The following MPHOSPH10 variants were observed in gnomAD, a reference collection of about 807,000 sequenced individuals.
MPHOSPH10 encodes U3 small nucleolar ribonucleoprotein MPP10.
In MPHOSPH10, 33 loss-of-function variants were observed where a neutral mutation model predicts 77.3. That is an observed-to-expected ratio of 0.43 (90% CI 0.32 to 0.57). The LOEUF is 0.57. Among genes scored for constraint, MPHOSPH10 ranks in the 20% least tolerant of loss-of-function variants. The pLI is 0.07. For synonymous variants in MPHOSPH10, 245 were observed against 268.0 expected (o/e 0.91, Z 0.84); for missense variants, 708 against 780.1 (o/e 0.91, Z 1.10).
intron 2 of MPHOSPH10, 116 bp downstream of exon 2, chr2:71,133,692 A>T: frequency 2.6e-6 from 3 of 1,152,080 alleles, no homozygotes; most frequent in Non-Finnish European, 3.6e-6. Flanking sequence ...ATTGTGCTCT[A>T]TCTTATCAGT....
intron 10 of MPHOSPH10, 131 bp from the exon 11 acceptor site, chr2:71,149,735 G>C: frequency 1.2e-6 from 1 of 839,658 alleles, no homozygotes; most frequent in Non-Finnish European, 1.9e-6. Context: ...AACTGATTCA[G>C]TTTTCTGTAA....
At position 71,149,464 on chromosome 2, in the gene MPHOSPH10, G is replaced by C. The variant is rs763042809; in HGVS notation, c.1896+11G>C. The C allele has an allele frequency of 1.2e-6, 2 of 1,606,322 alleles. No homozygotes were observed. Among genetic ancestry groups the C allele is most frequent in the Admixed American group, 3.4e-5 (2 of 58,646 alleles). ...GCTTCCTTCATAAAGGTAAGGACAAGGGAAAGAAAACTGCTCAAGGGGACC... is the reference window on the plus strand; with the variant it reads ...GCTTCCTTCATAAAGGTAAGGACAACGGAAAGAAAACTGCTCAAGGGGACC... On this transcript the variant is annotated intron_variant, in intron 10 of 10. Transcript: ENST00000244230.
intron 5 of MPHOSPH10, among the ~76,000 whole-genome samples, 159 bp from the exon 6 acceptor site, chr2:71,139,636 C>T (rs1673570780): frequency 6.6e-6 from 1 of 152,194 alleles, no homozygotes; most frequent in African/African-American, 2.4e-5. Context: ...ATAGCTGTCC[C>T]TCTTCCCCAC....
intron 8 of MPHOSPH10, 95 bp downstream of exon 8, chr2:71,144,633 A>G: frequency 1.1e-6 from 1 of 948,144 alleles, no homozygotes; most frequent in Non-Finnish European, 1.6e-6. Flanking sequence ...GTTTCAGGAT[A>G]CAAACTTGTA....
In MPHOSPH10 at chr2:71,149,239, G is replaced by A; in HGVS notation, c.1682G>A (p.Gly561Glu). The stretch of plus-strand genomic sequence containing the variant: ...TTTTAATAGGAGAAAAATAAAGCTG[G>A]AGATATAAAAACAGCTGCTGAAAAA... ...PEEIKEKNKAGDIKTAAEKTA... is the reference protein window; with the variant it reads ...PEEIKEKNKAEDIKTAAEKTA... Residue 561 changes from glycine to glutamate, a missense_variant, in exon 10 of 11, where the codon GGA becomes GAA. Around this residue, in one of 3 missense-constraint regions of MPHOSPH10, gnomAD observed 263 missense variants for 320.0 expected, o/e 0.82. Transcript: ENST00000244230. The A allele has an allele frequency of 6.4e-7, 1 of 1,567,996 alleles. No homozygotes were observed. Among genetic ancestry groups the A allele is most frequent in the Non-Finnish European group, 8.6e-7 (1 of 1,158,434 alleles).
At chr2:71,133,632 T>C in intron 2 of MPHOSPH10, 56 bp downstream of exon 2, 1 of 1,467,518 alleles carries the variant, frequency 6.8e-7, no homozygotes, top group South Asian at 1.4e-5. Context: ...TTTTCTTCTG[T>C]TTTTCTAGGA....
rs527303026 is a variant in MPHOSPH10 at position 71,132,941 on chromosome 2, G to C, written c.133G>C (p.Val45Leu). The change falls in exon 2 of 11, where the codon GTG becomes CTG. Residue 45 changes from valine (V) to leucine (L), a missense_variant. Val to Leu is a conservative substitution (Grantham distance 32, BLOSUM62 1). Transcript: ENST00000244230. ...LASKFTSLTK[V>L]LYDFNKILEN... The stretch of plus-strand genomic sequence containing the variant: ...ATCAAAGTTCACTTCTTTAACAAAA[G>C]TGCTTTATGACTTTAATAAAATATT... 22 of 1,612,480 alleles carry C rather than the reference G, an allele frequency of 1.4e-5. No homozygotes were observed. In the Admixed American group the frequency reaches 2.7e-4, roughly 20 times the overall value.
At chr2:71,141,502 G>A in intron 7 of MPHOSPH10, 133 bp downstream of exon 7, 1 of 700,874 alleles carries the variant, frequency 1.4e-6, no homozygotes, top group Non-Finnish European at 2.1e-6. Flanking sequence ...ATGAGACAGA[G>A]CATGCTAGGA....
intron 7 of MPHOSPH10, among the ~76,000 whole-genome samples, chr2:71,141,872 A>G (rs1673620585): frequency 6.6e-6 from 1 of 152,062 alleles, no homozygotes; most frequent in Non-Finnish European, 1.5e-5. Flanking sequence ...TCTACTAAAA[A>G]TACGAAAAAA....
In MPHOSPH10 at chr2:71,149,370, G is replaced by A. The variant is rs777079085; in HGVS notation, c.1813G>A (p.Asp605Asn). Residue 605 changes from aspartate (D) to asparagine (N), a missense_variant, in exon 10 of 11, where the codon GAT becomes AAT. By Grantham distance (23) the Asp-to-Asn change is conservative. This residue lies in a region of MPHOSPH10 where 263 missense variants were observed against 320.0 expected (regional missense o/e 0.82). Coordinates refer to ENST00000244230, the MANE Select transcript of MPHOSPH10 (RefSeq NM_005791.3). ...RRKLLEKSSV[D>N]QAGKYSKTVA... ...AAAACTGCTTGAAAAGAGCAGTGTA[G>A]ATCAAGCAGGGAAATACAGCAAAAC... 2.5e-6 allele frequency: 4 copies of A among 1,614,164 alleles called. No individual in the cohort carries two copies. In the South Asian group the frequency reaches 3.3e-5, roughly 13 times the overall value.
At chr2:71,146,334 CTTTT>C (rs778705527) in intron 8 of MPHOSPH10, among the ~76,000 whole-genome samples, 2 of 107,312 alleles carry the variant, frequency 1.9e-5, no homozygotes, top group Admixed American at 1.2e-4. Context: ...TTTTTTGTGG[CTTTT>C]TTTTTTTTTT....
At chr2:71,141,685 C>T (rs1558755494) in intron 7 of MPHOSPH10, among the ~76,000 whole-genome samples, 1 of 152,162 alleles carries the variant, frequency 6.6e-6, no homozygotes, top group Non-Finnish European at 1.5e-5. Flanking sequence ...ATATATTTTA[C>T]ATGATTATGA....
rs1408004365 is a variant in MPHOSPH10 at position 71,130,679 on chromosome 2, T to C, written c.14T>C (p.Val5Ala). ...TTGCTGACAGCCATGGCGCCGCAGGTCTGGCGTCGACGGACCCTGGAGCGG... is the reference window on the plus strand; with the variant it reads ...TTGCTGACAGCCATGGCGCCGCAGGCCTGGCGTCGACGGACCCTGGAGCGG... MAPQ[V>A]WRRRTLERCL... Residue 5 changes from valine to alanine, a missense_variant, in exon 1 of 11, where the codon GTC becomes GCC. Val to Ala is a moderately conservative substitution (Grantham distance 64, BLOSUM62 0). Transcript: ENST00000244230. The C allele has an allele frequency of 6.2e-7, 1 of 1,609,386 alleles. No homozygotes were observed. The highest frequency in any genetic ancestry group is 8.5e-7 in the Non-Finnish European group (1 of 1,178,506).
chr2:71,137,764 A>G (rs1558754144), intron 4 of MPHOSPH10, among the ~76,000 whole-genome samples: 1 of 152,200 alleles, frequency 6.6e-6, no homozygotes, highest in African/African-American at 2.4e-5. Flanking sequence ...CGAATGGATA[A>G]ACTGAATTGA....
chr2:71,146,896 A>AT (rs1247194036), intron 8 of MPHOSPH10, among the ~76,000 whole-genome samples: 1 of 152,212 alleles, frequency 6.6e-6, no homozygotes, highest in African/African-American at 2.4e-5. Flanking sequence ...TGTAACTGCA[A>AT]TATATAGTCA....
In MPHOSPH10 at chr2:71,139,634, C is replaced by G. The variant is rs192924061; in HGVS notation, c.1241-161C>G. On this transcript the variant is annotated intron_variant, in intron 5 of 10. Transcript: ENST00000244230. ...GGCTTGTTAAAGCACAGATAGCTGT[C>G]CCTCTTCCCCACTTTCTGATTCAGG... Among the ~76,000 whole-genome samples the G allele has an allele frequency of 7.2e-5, 11 of 152,322 alleles. No individual in the cohort carries two copies. In the East Asian group the frequency reaches 2.1e-3, roughly 29 times the overall value.
chr2:71,141,513 A>ATAT, intron 7 of MPHOSPH10, 144 bp downstream of exon 7: 1 of 651,356 alleles, frequency 1.5e-6, no homozygotes, highest in Non-Finnish European at 2.3e-6. Context: ...CATGCTAGGA[A>ATAT]TAGAAGGGTT....
chr2:71,130,824 C>A (rs1673362853), intron 1 of MPHOSPH10, 70 bp downstream of exon 1: 4 of 1,426,336 alleles, frequency 2.8e-6, no homozygotes, highest in Non-Finnish European at 3.9e-6. Flanking sequence ...AGGCCTCCGG[C>A]AAATTGTGGA....
chr2:71,147,367 A>G (rs1287218460), intron 8 of MPHOSPH10, among the ~76,000 whole-genome samples: 4 of 152,274 alleles, frequency 2.6e-5, no homozygotes, highest in African/African-American at 9.6e-5. Flanking sequence ...AAGATGGCAG[A>G]AATGTTATGT....
Sources: gnomAD v4.1 joint callset for allele counts (sites outside exome capture counted in the v4.1 genomes callset) on GRCh38, gnomAD v4.1.1 for gene constraint, gnomAD v4.1.1 regional missense constraint, MANE v1.5 for transcripts, NCBI Gene and HGNC (gene_info 2026-07-23, HGNC 2026-07-21) for gene names.